SSPN: variants seen among roughly 807,000 people sequenced by gnomAD.
SSPN encodes sarcospan.
In SSPN, 15 loss-of-function variants were observed where a neutral mutation model predicts 19.1. The ratio of observed to expected loss-of-function variants is 0.78; its 90% CI spans 0.52 to 1.21. The LOEUF (loss-of-function observed/expected upper bound fraction) is 1.21, where lower values mean the gene tolerates loss of function less well. Ranked by LOEUF, SSPN falls within the 50% of genes most tolerant of loss-of-function variation. The pLI is 0.00. For synonymous variants in SSPN, 147 were observed against 140.3 expected, an observed-to-expected ratio of 1.05 and a Z score of -0.34; for missense variants, 291 against 314.0, an observed-to-expected ratio of 0.93 and a Z score of 0.55.
intron 1 of SSPN, among the ~76,000 whole-genome samples, chr12:26,127,551 G>A (rs145417222): frequency 6.6e-6 from 1 of 151,558 alleles, no homozygotes; most frequent in Non-Finnish European, 1.5e-5. Context: ...TATCTCCTTT[G>A]TTGTTCTTGA....
rs1040770039 is a variant in SSPN at position 26,232,763 on chromosome 12, A to G, written c.*1687A>G. On this transcript the variant is annotated 3_prime_UTR_variant, in exon 3 of 3. Coordinates refer to ENST00000242729, the MANE Select transcript of SSPN (RefSeq NM_005086.5). ...CGATTAACAGATGTTAAACCTTTTA[A>G]TGTTTTGATTTGCTTTAAAAATGGC... The G allele has an allele frequency of 8.2e-6, 8 of 975,798 alleles. No individual in the cohort carries two copies. The highest frequency in any genetic ancestry group is 5.2e-4 in the Middle Eastern group (1 of 1,924). The allele number at this position is 975,798 out of a possible 1,614,324, so 60.4% of individuals were successfully genotyped here.
intron 1 of SSPN, among the ~76,000 whole-genome samples, chr12:26,166,748 A>T (rs2137429238): frequency 6.6e-6 from 1 of 152,368 alleles, no homozygotes; most frequent in East Asian, 1.9e-4. Context: ...AGAGCTGAGT[A>T]ACTGAGACAG....
At chr12:26,179,158 C>A (rs1944702781) in intron 1 of SSPN, among the ~76,000 whole-genome samples, 1 of 152,116 alleles carries the variant, frequency 6.6e-6, no homozygotes, top group Admixed American at 6.6e-5. Context: ...AGTGGAGGAA[C>A]ACTGGGACGG....
chr12:26,185,734 G>T (rs1019073295), intron 1 of SSPN, among the ~76,000 whole-genome samples: 1 of 152,190 alleles, frequency 6.6e-6, no homozygotes, highest in African/African-American at 2.4e-5. Flanking sequence ...CCAAGTCTGT[G>T]AGTGATCAGT....
intron 1 of SSPN, among the ~76,000 whole-genome samples, chr12:26,140,790 A>C (rs1319208874): frequency 6.6e-6 from 1 of 152,146 alleles, no homozygotes; most frequent in Non-Finnish European, 1.5e-5. Context: ...AGAACAGTGA[A>C]CCAATTAAAC....
upstream of SSPN, among the ~76,000 whole-genome samples, chr12:26,193,256 C>A (rs1289418237): frequency 6.6e-6 from 1 of 152,200 alleles, no homozygotes; most frequent in Non-Finnish European, 1.5e-5. Context: ...ATTAATAAAG[C>A]AGTTAATCCT....
At position 26,166,535 on chromosome 12, in the gene SSPN, T is replaced by A. The variant is rs189054083; in HGVS notation, c.-31+44383T>A. Among the ~76,000 whole-genome samples, 124 of 152,388 alleles carry A rather than the reference T, an allele frequency of 8.1e-4. 1 individual carries two copies. Among genetic ancestry groups the A allele is most frequent in the African/African-American group, 2.9e-3 (122 of 41,600 alleles). ...TAGGGGTCGGCAAACTGCAGACATC[T>A]GCCCTGTTGCCTATTTTTACATCTC... On this transcript the variant is annotated intron_variant, in intron 1 of 2. Coordinates refer to the SSPN transcript ENST00000538142.
intron 1 of SSPN, chr12:26,123,173 G>C (rs768071227): frequency 5.1e-6 from 8 of 1,582,240 alleles, no homozygotes; most frequent in Non-Finnish European, 6.9e-6. Context: ...GCTCCCCTAG[G>C]ATGAGGAAGG....
intron 1 of SSPN, among the ~76,000 whole-genome samples, chr12:26,149,076 T>G (rs1944509851): frequency 6.6e-6 from 1 of 152,230 alleles, no homozygotes; most frequent in Non-Finnish European, 1.5e-5. Context: ...ACATTTATCT[T>G]ATGTGGAGAA....
chr12:26,196,022 G>A, intron 1 of SSPN, 71 bp downstream of exon 1: 1 of 1,264,840 alleles, frequency 7.9e-7, no homozygotes, highest in Non-Finnish European at 1.0e-6. Context: ...GTCGAGTTGA[G>A]ACTAACCCAG....
At position 26,224,346 on chromosome 12, in the gene SSPN, T is replaced by C. The variant is rs1353130511; in HGVS notation, c.333T>C (p.Val111=). 2 of 1,614,036 alleles carry C rather than the reference T, an allele frequency of 1.2e-6. No individual in the cohort carries two copies. The highest frequency in any genetic ancestry group is 8.5e-7 in the Non-Finnish European group (1 of 1,179,888). ...GLFMLCVSYQ[V]DERTCIQFSM... ...TTATGCTTTGTGTCTCATATCAGGTTGACGAACGGACATGTATTCAATTTT... is the reference window on the plus strand; with the variant it reads ...TTATGCTTTGTGTCTCATATCAGGTCGACGAACGGACATGTATTCAATTTT... The change falls in exon 2 of 3, where the codon GTT becomes GTC. Residue 111 remains valine (V), a synonymous_variant. Transcript: ENST00000242729.
chr12:26,133,346 C>A (rs140202408), intron 1 of SSPN, among the ~76,000 whole-genome samples: 1 of 152,258 alleles, frequency 6.6e-6, no homozygotes, highest in African/African-American at 2.4e-5. Context: ...TCTGAGAATT[C>A]CACCTCTTAA....
At position 26,174,668 on chromosome 12, in the gene SSPN, A is replaced by G. The variant is rs545235589; in HGVS notation, c.-30-49625A>G. Among the ~76,000 whole-genome samples the G allele has an allele frequency of 2.2e-4, 33 of 152,106 alleles. 1 individual carries two copies. Among genetic ancestry groups the G allele is most frequent in the Admixed American group, 2.0e-4 (3 of 15,272 alleles). On this transcript the variant is annotated intron_variant, in intron 1 of 2. Coordinates refer to the SSPN transcript ENST00000538142. ...CCCAAGTAGCTAGGACTACAGGTGC[A>G]TGCCACCACACCCGGCTCATTTTTG...
intron 1 of SSPN, among the ~76,000 whole-genome samples, chr12:26,182,939 T>C (rs1944729512): frequency 6.6e-6 from 1 of 151,708 alleles, no homozygotes; most frequent in Non-Finnish European, 1.5e-5. Flanking sequence ...ATTTTCGTAT[T>C]TTTTTTAGTA....
chr12:26,132,548 G>T (rs1256192079), intron 1 of SSPN, among the ~76,000 whole-genome samples: 1 of 152,132 alleles, frequency 6.6e-6, no homozygotes, highest in Non-Finnish European at 1.5e-5. Context: ...TGTGGGTAAG[G>T]CTTGTCCTGT....
intron 1 of SSPN, among the ~76,000 whole-genome samples, chr12:26,139,477 C>T (rs1336545364): frequency 2.0e-5 from 3 of 152,132 alleles, no homozygotes; most frequent in Non-Finnish European, 4.4e-5. Context: ...ATAAATGTGA[C>T]ACTTTTAAAT....
At chr12:26,149,140 AG>A (rs1357477620) in intron 1 of SSPN, among the ~76,000 whole-genome samples, 4 of 152,198 alleles carry the variant, frequency 2.6e-5, no homozygotes, top group Admixed American at 2.0e-4. Context: ...CTGATGCAAT[AG>A]ATTTGATGAA....
chr12:26,199,607 A>C (rs1591875966), intron 1 of SSPN, among the ~76,000 whole-genome samples: 1 of 152,362 alleles, frequency 6.6e-6, no homozygotes, highest in East Asian at 1.9e-4. Context: ...TTAGTAGCTA[A>C]GTCAGATGGG....
intron 1 of SSPN, among the ~76,000 whole-genome samples, chr12:26,204,005 G>A (rs1403290884): frequency 1.3e-5 from 2 of 152,140 alleles, no homozygotes; most frequent in African/African-American, 2.4e-5. Flanking sequence ...CCTCCTAAAA[G>A]CCCTATCTCC....
Sources: gnomAD v4.1 joint callset for allele counts (sites outside exome capture counted in the v4.1 genomes callset) on GRCh38, gnomAD v4.1.1 for gene constraint, MANE v1.5 for transcripts, NCBI Gene and HGNC (gene_info 2026-07-23, HGNC 2026-07-21) for gene names.